Variants in ENTPD1 observed in about 807,000 individuals in gnomAD.
The protein encoded by ENTPD1 is ectonucleoside triphosphate diphosphohydrolase 1.
In ENTPD1, 33 loss-of-function variants were observed where a neutral mutation model predicts 57.0. The ratio of observed to expected loss-of-function variants is 0.58; its 90% confidence interval spans 0.44 to 0.77. The LOEUF (loss-of-function observed/expected upper bound fraction) is 0.77, where lower values mean the gene tolerates loss of function less well. ENTPD1 is among the 30% of genes least tolerant of loss of function. The probability of loss-of-function intolerance (pLI) is 0.00; values close to 1 mark genes in which losing one functional copy is unlikely to be tolerated. For synonymous variants in ENTPD1, 202 were observed against 218.8 expected (o/e 0.92, Z 0.68); for missense variants, 501 against 603.4 (o/e 0.83, Z 1.78).
At chr10:95,806,171 T>A (rs1163736299) in intron 1 of ENTPD1, among the ~76,000 whole-genome samples, 1 of 152,268 alleles carries the variant, frequency 6.6e-6, no homozygotes, top group Non-Finnish European at 1.5e-5. Context: ...CCCACATTTC[T>A]TGGAGGCTTT....
chr10:95,875,197 T>C lies in ENTPD1; in HGVS notation c.*8814T>C, dbSNP rs964732275. Reference sequence around the variant, plus strand: ...CATCAGGCTGCAGATTTTCCACATTTATGCTCTTGTTTCCCTTTTAAAACA... The same window carrying C: ...CATCAGGCTGCAGATTTTCCACATTCATGCTCTTGTTTCCCTTTTAAAACA... On this transcript the variant is annotated 3_prime_UTR_variant, in exon 10 of 10. Transcript: ENST00000371205. 6 of 152,254 alleles carry C rather than the reference T, an allele frequency of 3.9e-5. No individual in the cohort carries two copies. The highest frequency in any genetic ancestry group is 7.3e-5 in the Non-Finnish European group (5 of 68,042). The allele number at this position is 152,254 out of a possible 1,614,324, so 9.4% of individuals were successfully genotyped here. A position where few individuals can be genotyped will look rare whatever the true frequency, so the allele number is the denominator to read the frequency against.
intron 2 of ENTPD1, among the ~76,000 whole-genome samples, chr10:95,835,958 G>A (rs1466188461): frequency 6.6e-6 from 1 of 152,126 alleles, no homozygotes; most frequent in Non-Finnish European, 1.5e-5. Context: ...TAGTTTGAGG[G>A]TCTTACAGTT....
In ENTPD1 at chr10:95,717,262, G is replaced by A. The variant is rs527615461; in HGVS notation, c.37+5269G>A. Among the ~76,000 whole-genome samples, 183 of 151,534 alleles carry A rather than the reference G, an allele frequency of 1.2e-3. 1 individual carries two copies. The highest frequency in any genetic ancestry group is 4.1e-3 in the African/African-American group (170 of 41,318). On this transcript the variant is annotated intron_variant, in intron 1 of 9. Transcript: ENST00000453258. ...CTTTTAAATTTGTTTTCAGCAATTCGCCTAGCTACCTAGATGTGGTTCTCT... is the reference window on the plus strand; with the variant it reads ...CTTTTAAATTTGTTTTCAGCAATTCACCTAGCTACCTAGATGTGGTTCTCT...
At chr10:95,702,326 C>T in the ENTPD1 span, among the ~76,000 whole-genome samples, 1 of 151,882 alleles carries the variant, frequency 6.6e-6, no homozygotes, top group Non-Finnish European at 1.5e-5. Flanking sequence ...AAATGTAAAT[C>T]CTAGAACTGA....
At chr10:95,822,037 G>A (rs1039514818) in intron 1 of ENTPD1, among the ~76,000 whole-genome samples, 3 of 111,580 alleles carry the variant, frequency 2.7e-5, no homozygotes, top group Admixed American at 1.4e-4. Context: ...GTTTCACTCT[G>A]TCTCCAGGCT....
In ENTPD1 at chr10:95,872,162, G is replaced by A. The variant is rs2098481251; in HGVS notation, c.*5779G>A. 1.0e-6 allele frequency: 1 copy of A among 985,312 alleles called. No individual in the cohort carries two copies. Among genetic ancestry groups the A allele is most frequent in the African/African-American group, 1.7e-5 (1 of 57,232 alleles). The allele number at this position is 985,312 out of a possible 1,614,324, so 61.0% of individuals were successfully genotyped here. Reference sequence around the variant, plus strand: ...ATATATTTTACCTGGACTGATACCAGGAATGGTGGTGTTGCTTCCAATCTG... The same window carrying A: ...ATATATTTTACCTGGACTGATACCAAGAATGGTGGTGTTGCTTCCAATCTG... On this transcript the variant is annotated 3_prime_UTR_variant, in exon 10 of 10. Coordinates refer to ENST00000371205, the MANE Select transcript of ENTPD1 (RefSeq NM_001776.6).
At chr10:95,710,264 G>A (rs542845194), upstream of ENTPD1, among the ~76,000 whole-genome samples, 28 of 152,130 alleles carry the variant, frequency 1.8e-4, no homozygotes, top group African/African-American at 6.5e-4. Flanking sequence ...AATTAGCCGG[G>A]TGTGGTGGTG....
At chr10:95,861,549 C>T (rs754994697) in intron 8 of ENTPD1, 1 of 152,180 alleles carries the variant, frequency 6.6e-6, no homozygotes, top group Admixed American at 6.5e-5. Flanking sequence ...TTGCCATTCT[C>T]TCCAGGTATT....
At chr10:95,859,314 C>T (rs1225172000) in intron 7 of ENTPD1, among the ~76,000 whole-genome samples, 1 of 152,200 alleles carries the variant, frequency 6.6e-6, no homozygotes, top group Admixed American at 6.5e-5. Context: ...CCTCCTGTTT[C>T]TTTGCCTACC....
chr10:95,839,663 A>G lies in ENTPD1; in HGVS notation c.145-28A>G, dbSNP rs1283659374. On this transcript the variant is annotated intron_variant, in intron 2 of 9. Coordinates refer to ENST00000371205, the MANE Select transcript of ENTPD1 (RefSeq NM_001776.6). ...TATGGAGATGAGTGATGTGATACTG[A>G]TAAGTTTTTGGTCTGTGTTGCTTTC... 7 of 1,610,214 alleles carry G rather than the reference A, an allele frequency of 4.3e-6. No homozygotes were observed. The Admixed American group carries it at 5.0e-5, about 12-fold the overall frequency.
chr10:95,839,508 G>T, intron 2 of ENTPD1, 183 bp from the exon 3 acceptor site: 1 of 691,132 alleles, frequency 1.4e-6, no homozygotes, highest in Non-Finnish European at 2.6e-6. Flanking sequence ...GAAGAGCCCC[G>T]TTCTAGCAGG....
chr10:95,835,364 A>G (rs1377605516), intron 2 of ENTPD1, among the ~76,000 whole-genome samples: 1 of 152,148 alleles, frequency 6.6e-6, no homozygotes, highest in Non-Finnish European at 1.5e-5. Flanking sequence ...GGTTGATTCT[A>G]TGTCTTTGCT....
At chr10:95,803,150 T>C (rs1243215346) in intron 1 of ENTPD1, among the ~76,000 whole-genome samples, 1 of 152,220 alleles carries the variant, frequency 6.6e-6, no homozygotes, top group Non-Finnish European at 1.5e-5. Flanking sequence ...CTTTGGGCGG[T>C]ATGGCCATTT....
chr10:95,696,539 C>G, the ENTPD1 span, among the ~76,000 whole-genome samples: 1 of 152,176 alleles, frequency 6.6e-6, no homozygotes, highest in Non-Finnish European at 1.5e-5. Context: ...CTCAGCCTCC[C>G]GAAGTGTTGG....
In ENTPD1 at chr10:95,839,726, A is replaced by G. The variant is rs1418647067; in HGVS notation, c.180A>G (p.Thr60=). Residue 60 remains threonine, a synonymous_variant, in exon 3 of 10, where the codon ACA becomes ACG. Coordinates refer to ENST00000371205, the MANE Select transcript of ENTPD1 (RefSeq NM_001776.6). ...GIVLDAGSSH[T]SLYIYKWPAE... ...TGCTGGATGCGGGTTCTTCTCACACAAGTTTATACATCTATAAGTGGCCAG... is the reference window on the plus strand; with the variant it reads ...TGCTGGATGCGGGTTCTTCTCACACGAGTTTATACATCTATAAGTGGCCAG... 5 of 1,614,052 alleles carry G rather than the reference A, an allele frequency of 3.1e-6. No individual in the cohort carries two copies. The highest frequency in any genetic ancestry group is 4.2e-6 in the Non-Finnish European group (5 of 1,180,012).
At chr10:95,753,592 C>G (rs2098015573), upstream of ENTPD1, 1 of 152,234 alleles carries the variant, frequency 6.6e-6, no homozygotes, top group Non-Finnish European at 1.5e-5. Flanking sequence ...CTAACTCTTT[C>G]TCTCCCTGAT....
exon 1 of ENTPD1, chr10:95,711,975 C>T (rs760624124): frequency 1.9e-6 from 3 of 1,613,584 alleles, no homozygotes; most frequent in Non-Finnish European, 2.5e-6. Flanking sequence ...AACCAAGGAC[C>T]TGACAAGCCA....
intron 1 of ENTPD1, among the ~76,000 whole-genome samples, chr10:95,743,725 G>T (rs1427484033): frequency 1.3e-4 from 20 of 151,102 alleles, no homozygotes; most frequent in Admixed American, 1.3e-3. Flanking sequence ...AAGCTCTATT[G>T]GCTCCTGTGT....
the ENTPD1 span, chr10:95,694,255 C>A: frequency 3.4e-6 from 1 of 297,280 alleles, no homozygotes; most frequent in South Asian, 3.3e-5. Flanking sequence ...GCCCGGCCTC[C>A]GGTGCAAGGA....
Sources: gnomAD v4.1 joint callset for allele counts (sites outside exome capture counted in the v4.1 genomes callset) on GRCh38, gnomAD v4.1.1 for gene constraint, MANE v1.5 for transcripts, NCBI Gene and HGNC (gene_info 2026-07-23, HGNC 2026-07-21) for gene names.